The following CHRNA9 variants were observed in gnomAD, a reference collection of about 807,000 sequenced individuals.
The protein encoded by CHRNA9 is neuronal acetylcholine receptor subunit alpha-9.
Under a neutral mutation model 36.8 loss-of-function variants are expected in CHRNA9, and 24 were observed. The observed-to-expected ratio is 0.65, with a 90% CI of 0.47 to 0.92. The LOEUF (loss-of-function observed/expected upper bound fraction) is 0.92. Ranked by LOEUF, CHRNA9 falls within the 40% of genes least tolerant of loss-of-function variation. The pLI is 0.00. For synonymous variants in CHRNA9, 231 were observed against 231.8 expected, an observed-to-expected ratio of 1.00 and a Z score of 0.03; for missense variants, 610 against 601.2, an observed-to-expected ratio of 1.01 and a Z score of -0.15.
intron 3 of CHRNA9, among the ~76,000 whole-genome samples, chr4:40,345,147 A>G (rs1344445545): frequency 6.6e-6 from 1 of 152,200 alleles, no homozygotes; most frequent in East Asian, 1.9e-4. Context: ...TAAACTGCGG[A>G]GGTGCAGAAG....
At position 40,349,261 on chromosome 4, in the gene CHRNA9, G is replaced by A. The variant is rs774214997; in HGVS notation, c.745G>A (p.Val249Ile). The change falls in exon 4 of 5, where the codon GTC becomes ATC. Residue 249 changes from valine (V) to isoleucine (I), a missense_variant. Coordinates refer to ENST00000310169, the MANE Select transcript of CHRNA9 (RefSeq NM_017581.4). ...TATCGTCAACCTCCTCATCCCATGC[G>A]TCCTCATATCTTTTCTGGCTCCTCT... ...FYIVNLLIPC[V>I]LISFLAPLSF... is the part of the protein sequence containing the mutation. 1.5e-5 allele frequency: 25 copies of A among 1,613,942 alleles called. No homozygotes were observed. The highest frequency in any genetic ancestry group is 1.2e-4 in the South Asian group (11 of 91,076).
At chr4:40,339,857 G>A (rs189227491) in intron 3 of CHRNA9, among the ~76,000 whole-genome samples, 1 of 151,908 alleles carries the variant, frequency 6.6e-6, no homozygotes, top group East Asian at 1.9e-4. Flanking sequence ...AGTAGAGACA[G>A]AGTCTCATCA....
At chr4:40,350,835 C>T (rs1712781020) in intron 4 of CHRNA9, among the ~76,000 whole-genome samples, 1 of 152,016 alleles carries the variant, frequency 6.6e-6, no homozygotes, top group African/African-American at 2.4e-5. Context: ...GCAGTGATGA[C>T]ATCCAATCAT....
chr4:40,351,908 C>T (rs533667121), intron 4 of CHRNA9, among the ~76,000 whole-genome samples: 79 of 152,276 alleles, frequency 5.2e-4, no homozygotes, highest in African/African-American at 1.8e-3. Context: ...TCAAATATGT[C>T]GATTAGTGAA....
chr4:40,335,720 C>A, intron 1 of CHRNA9, 107 bp from the exon 2 acceptor site: 1 of 1,199,352 alleles, frequency 8.3e-7, no homozygotes, highest in Non-Finnish European at 1.2e-6. Context: ...AAGCTTGTCC[C>A]TCGCCAGTGT....
At chr4:40,342,386 C>G (rs765395163) in intron 3 of CHRNA9, among the ~76,000 whole-genome samples, 24 of 152,014 alleles carry the variant, frequency 1.6e-4, no homozygotes, top group Non-Finnish European at 2.8e-4. Context: ...AATAGAGATG[C>G]CAAAAGCCCT....
rs1382316285 is a variant in CHRNA9, at chr4:40,349,413, A to G, written c.897A>G (p.Ile299Met). The G allele has an allele frequency of 6.2e-7, 1 of 1,611,102 alleles. No homozygotes were observed. Among genetic ancestry groups the G allele is most frequent in the South Asian group, 1.1e-5 (1 of 90,602 alleles). Residue 299 changes from isoleucine to methionine, a missense_variant and splice_region_variant, in exon 4 of 5, where the codon ATA becomes ATG. Coordinates refer to ENST00000310169, the MANE Select transcript of CHRNA9 (RefSeq NM_017581.4). ...IMPASENVPL[I>M]GKYYIATMAL... ...CGGCCTCAGAAAATGTGCCCCTGAT[A>G]GGTGAGTCCAAGTGTCTTCCACTTC... is the stretch of plus-strand genomic sequence containing the variant.
At chr4:40,348,294 A>T (rs1577548449) in intron 3 of CHRNA9, among the ~76,000 whole-genome samples, 1 of 152,216 alleles carries the variant, frequency 6.6e-6, no homozygotes, top group East Asian at 1.9e-4. Flanking sequence ...TTCCCTAGAG[A>T]AAAATAGAAA....
chr4:40,335,909 G>A lies in CHRNA9; in HGVS notation c.147G>A (p.Val49=). The change falls in exon 2 of 5, where the codon GTG becomes GTA. Residue 49 remains valine (V), a synonymous_variant. Transcript: ENST00000310169. ...ATTATTCTAATGCTCTTCGTCCAGTGGAAGATACAGATAAAGTCCTGAATG... is the reference window on the plus strand; with the variant it reads ...ATTATTCTAATGCTCTTCGTCCAGTAGAAGATACAGATAAAGTCCTGAATG... ...FEDYSNALRP[V]EDTDKVLNVT... 1.2e-6 allele frequency: 2 copies of A among 1,612,276 alleles called. No homozygotes were observed. The highest frequency in any genetic ancestry group is 1.7e-6 in the Non-Finnish European group (2 of 1,178,246).
chr4:40,346,205 G>GC (rs1157716887), intron 3 of CHRNA9, among the ~76,000 whole-genome samples: 1 of 152,164 alleles, frequency 6.6e-6, no homozygotes, highest in Admixed American at 6.5e-5. Context: ...GTATTCCCTC[G>GC]CTGTCTTCCT....
chr4:40,347,271 A>C (rs372415588), intron 3 of CHRNA9, among the ~76,000 whole-genome samples: 2 of 152,292 alleles, frequency 1.3e-5, no homozygotes, highest in African/African-American at 4.8e-5. Context: ...TCCCTTCAAA[A>C]ACATGCCTGT....
intron 1 of CHRNA9, 122 bp from the exon 2 acceptor site, chr4:40,335,705 A>C: frequency 9.1e-7 from 1 of 1,099,874 alleles, no homozygotes; most frequent in Non-Finnish European, 1.4e-6. Flanking sequence ...TCATCCATCC[A>C]CCCAAAGCTT....
intron 1 of CHRNA9, 43 bp from the exon 2 acceptor site, chr4:40,335,784 C>T: frequency 6.3e-7 from 1 of 1,580,490 alleles, no homozygotes; most frequent in Non-Finnish European, 8.7e-7. Context: ...TTGAAATACA[C>T]ACAACACTCT....
chr4:40,354,343 C>G lies in CHRNA9; in HGVS notation c.1263C>G (p.Tyr421Ter). 3 of 1,614,160 alleles carry G rather than the reference C, an allele frequency of 1.9e-6. No individual in the cohort carries two copies. The highest frequency in any genetic ancestry group is 2.5e-6 in the Non-Finnish European group (3 of 1,180,020). Residue 421 changes from tyrosine to a stop codon, truncating the protein, a stop_gained, in exon 5 of 5, where the codon TAC (tyrosine) becomes TAG (stop). Coordinates refer to ENST00000310169, the MANE Select transcript of CHRNA9 (RefSeq NM_017581.4). LOFTEE classifies it high-confidence loss of function. ...AGGCCGAGAGTTACTGTGCACAGTA[C>G]AAAGTGCTGACGAGGAATATTGAGT... is the stretch of plus-strand genomic sequence containing the variant. ...PQEAESYCAQYKVLTRNIEYI... is the reference protein window; with the variant it reads ...PQEAESYCAQ
At position 40,354,460 on chromosome 4, in the gene CHRNA9, G is replaced by A; in HGVS notation, c.1380G>A (p.Met460Ile). Reference sequence around the variant, plus strand: ...CGAAAGTCATAGACCGATTCTTCATGTGGATTTTTTTCATTATGGTGTTTG... The same window carrying A: ...CGAAAGTCATAGACCGATTCTTCATATGGATTTTTTTCATTATGGTGTTTG... ...KVAKVIDRFF[M>I]WIFFIMVFVM... Residue 460 changes from methionine to isoleucine, a missense_variant, in exon 5 of 5, where the codon ATG becomes ATA. Transcript: ENST00000310169. 6.2e-7 allele frequency: 1 copy of A among 1,614,140 alleles called. No homozygotes were observed. Among genetic ancestry groups the A allele is most frequent in the Non-Finnish European group, 8.5e-7 (1 of 1,179,982 alleles).
intron 3 of CHRNA9, among the ~76,000 whole-genome samples, chr4:40,345,241 G>A (rs959960382): frequency 6.6e-6 from 1 of 152,098 alleles, no homozygotes; most frequent in Non-Finnish European, 1.5e-5. Flanking sequence ...TAAGATATTG[G>A]TCATGAAGTG....
At chr4:40,344,538 A>AG in intron 3 of CHRNA9, among the ~76,000 whole-genome samples, 1 of 149,528 alleles carries the variant, frequency 6.7e-6, no homozygotes, top group East Asian at 1.9e-4. Context: ...CATCTCAAGA[A>AG]AAAAAAAAAA....
rs112305367 is a variant in CHRNA9 at position 40,344,630 on chromosome 4, G to A, written c.366-4252G>A. 4.0e-3 allele frequency among the ~76,000 whole-genome samples: 606 copies of A among 152,046 alleles called. 7 individuals carry two copies. Among genetic ancestry groups the A allele is most frequent in the African/African-American group, 0.014 (581 of 41,472 alleles). On this transcript the variant is annotated intron_variant, in intron 3 of 4. Coordinates refer to ENST00000310169, the MANE Select transcript of CHRNA9 (RefSeq NM_017581.4). ...TATAGTTTGTTTAATATAAAAAGAA[G>A]CCTTAAGGTATTATAATGCCCATTT...
Position 40,354,687 on chromosome 4 carries a change from A to C in CHRNA9, c.*167A>C. 1.6e-6 allele frequency: 1 copy of C among 641,252 alleles called. No individual in the cohort carries two copies. The highest frequency in any genetic ancestry group is 2.6e-6 in the Non-Finnish European group (1 of 379,662). 39.7% of individuals were successfully genotyped at this position (641,252 alleles called of 1,614,324 possible). On this transcript the variant is annotated 3_prime_UTR_variant, in exon 5 of 5. Transcript: ENST00000310169. The stretch of plus-strand genomic sequence containing the variant: ...TCGAAGCTATCTGCTCTGTTAAATT[A>C]AGCAGAAGAACCAAAATTTCAAGGG...
Sources: allele counts gnomAD v4.1 joint callset (sites outside exome capture counted in the v4.1 genomes callset), GRCh38; gene constraint gnomAD v4.1.1; transcripts MANE v1.5; gene names NCBI Gene and HGNC (gene_info 2026-07-23, HGNC 2026-07-21).